The following TNRC18 variants were observed in gnomAD, a reference collection of about 807,000 sequenced individuals.
TNRC18 encodes trinucleotide repeat-containing gene 18 protein.
Under a neutral mutation model 226.7 loss-of-function variants are expected in TNRC18, and 69 were observed. That is an observed-to-expected ratio of 0.30 (90% CI 0.25 to 0.37). The LOEUF (loss-of-function observed/expected upper bound fraction) is 0.37. TNRC18 is among the 10% of genes least tolerant of loss of function. The pLI is 1.00. For missense variants in TNRC18, 4,754 were observed against 4,256.6 expected (o/e 1.12, Z -3.25); for synonymous variants, 2,449 against 1,927.6 (o/e 1.27, Z -7.09).
At chr7:5,315,447 C>T (rs62443161) in intron 25 of TNRC18, among the ~76,000 whole-genome samples, 51 of 142,124 alleles carry the variant, frequency 3.6e-4, no homozygotes, top group Non-Finnish European at 6.9e-4. Context: ...TTTTTTAAAA[C>T]AGAGTCTCGC....
chr7:5,336,915 T>G (rs530105680), intron 18 of TNRC18, among the ~76,000 whole-genome samples: 1 of 152,212 alleles, frequency 6.6e-6, no homozygotes, highest in African/African-American at 2.4e-5. Context: ...AATGGTAAAA[T>G]GTATGTTAAA....
rs1367353712 is a variant in TNRC18 at position 5,389,145 on chromosome 7, C to T, written c.679G>A (p.Ala227Thr). Residue 227 changes from alanine to threonine, a missense_variant, in exon 5 of 30, where the codon GCC becomes ACC. Physicochemically the swap from Ala to Thr is moderately conservative, Grantham distance 58. Coordinates refer to ENST00000430969, the MANE Select transcript of TNRC18 (RefSeq NM_001080495.3). ...PPLFGKKDPR[A>T]RGEEASGPRG... ...GGCCCCGAGGCCTCCTCGCCCCGGG[C>T]GCGCGGGTCCTTCTTGCCGAAAAGC... 3.8e-6 allele frequency: 5 copies of T among 1,319,566 alleles called. No homozygotes were observed. The highest frequency in any genetic ancestry group is 3.7e-5 in the East Asian group (1 of 27,236). 81.7% of individuals were successfully genotyped at this position (1,319,566 alleles called of 1,614,324 possible).
At chr7:5,414,576 C>G (rs1350858887) in intron 2 of TNRC18, among the ~76,000 whole-genome samples, 1 of 152,006 alleles carries the variant, frequency 6.6e-6, no homozygotes, top group Non-Finnish European at 1.5e-5. Context: ...CCACGCCCGG[C>G]TATTTTTTTG....
intron 2 of TNRC18, among the ~76,000 whole-genome samples, chr7:5,412,322 TC>T (rs1342257299): frequency 1.4e-5 from 2 of 146,646 alleles, no homozygotes; most frequent in East Asian, 4.3e-4. Flanking sequence ...ACGCCTGTAA[TC>T]CCAGCACTTT....
intron 18 of TNRC18, among the ~76,000 whole-genome samples, chr7:5,342,437 A>G (rs1321319055): frequency 1.3e-5 from 2 of 152,050 alleles, no homozygotes; most frequent in Non-Finnish European, 2.9e-5. Flanking sequence ...TCAAAAAAAA[A>G]AAAAAAGAAA....
Position 5,313,496 on chromosome 7 carries a change from G to A in TNRC18, c.7395C>T (p.Asp2465=). The A allele has an allele frequency of 6.2e-7, 1 of 1,613,328 alleles. No individual in the cohort carries two copies. The highest frequency in any genetic ancestry group is 8.5e-7 in the Non-Finnish European group (1 of 1,179,552). The change falls in exon 27 of 30, where the codon GAC becomes GAT. Residue 2465 remains aspartate (D), a synonymous_variant. Transcript: ENST00000430969. ...GEEAELLVKL[D]HEGVTSPKSK... is the part of the protein sequence containing the mutation. ...TTTTGGGTGACGTGACACCCTCGTG[G>A]TCCAGTTTGACAAGCAGCTCGGCCT... is the stretch of plus-strand genomic sequence containing the variant.
intron 2 of TNRC18, among the ~76,000 whole-genome samples, chr7:5,405,531 G>C (rs577198067): frequency 6.6e-6 from 1 of 150,838 alleles, no homozygotes; most frequent in Non-Finnish European, 1.5e-5. Context: ...ATTGTGCCAC[G>C]GCACTCCAGC....
intron 11 of TNRC18, among the ~76,000 whole-genome samples, chr7:5,368,933 C>T (rs987013311): frequency 6.6e-6 from 1 of 152,096 alleles, no homozygotes; most frequent in Non-Finnish European, 1.5e-5. Context: ...GAAGGCATCC[C>T]ATTCTCTTTG....
At chr7:5,315,422 T>C (rs7385951) in intron 25 of TNRC18, among the ~76,000 whole-genome samples, 1 of 151,158 alleles carries the variant, frequency 6.6e-6, no homozygotes, top group South Asian at 2.1e-4. Context: ...TTGGGTTTTT[T>C]TTTTTTTTTT....
At position 5,345,517 on chromosome 7, in the gene TNRC18, G is replaced by GCCCTC; in HGVS notation, c.5719+44_5719+45insGAGGG. On this transcript the variant is annotated intron_variant, in intron 18 of 29. Transcript: ENST00000430969. ...CCTGTGGGATGGGGCAATGGCGTCCGCCCCTCCCACCCACCCCCACCGCAG... is the reference window on the plus strand; with the variant it reads ...CCTGTGGGATGGGGCAATGGCGTCCGCCCTCCCCCTCCCACCCACCCCCACCGCAG... 15 of 377,744 alleles carry GCCCTC rather than the reference G, an allele frequency of 4.0e-5. 1 individual carries two copies. The highest frequency in any genetic ancestry group is 2.2e-4 in the South Asian group (5 of 22,822). The allele number at this position is 377,744 out of a possible 1,614,324, so 23.4% of individuals were successfully genotyped here. A position where few individuals can be genotyped will look rare whatever the true frequency, so the allele number is the denominator to read the frequency against.
Position 5,343,226 on chromosome 7 carries a change from T to C in TNRC18, c.5719+2336A>G, listed in dbSNP as rs1790851493. Among the ~76,000 whole-genome samples, 3 of 145,616 alleles carry C rather than the reference T, an allele frequency of 2.1e-5. No homozygotes were observed. The South Asian group carries it at 6.7e-4, about 32-fold the overall frequency. On this transcript the variant is annotated intron_variant, in intron 18 of 29. Transcript: ENST00000430969. The stretch of plus-strand genomic sequence containing the variant: ...AAAATTAGCCAGGCGTGGTGGTGTG[T>C]GCTTGTAATCCCAGCTACTCGGGAG...
chr7:5,377,131 C>CTCTT lies in TNRC18; in HGVS notation c.2462-139_2462-138insAAGA. On this transcript the variant is annotated intron_variant, in intron 7 of 29. Transcript: ENST00000430969. This position sits in a 1 kb window ranked among gnomAD's most constrained non-coding sequence, Gnocchi z 5.8. ...GTGGGGAAGCCAAGGGACAGGGGTG[C>CTCTT]TGGCTGGCTGCAAAGAGCACCCCAG... is the stretch of plus-strand genomic sequence containing the variant. 1 of 1,320,026 alleles carries CTCTT rather than the reference C, an allele frequency of 7.6e-7. No individual in the cohort carries two copies. The highest frequency in any genetic ancestry group is 1.0e-6 in the Non-Finnish European group (1 of 975,070). 81.8% of individuals were successfully genotyped at this position (1,320,026 alleles called of 1,614,324 possible). A position where few individuals can be genotyped will look rare whatever the true frequency, so the allele number is the denominator to read the frequency against.
chr7:5,411,701 G>A (rs543049906), intron 2 of TNRC18, among the ~76,000 whole-genome samples: 135 of 152,024 alleles, frequency 8.9e-4, no homozygotes, highest in South Asian at 4.1e-4. Flanking sequence ...AACAGGAAAC[G>A]GGAAGGCAAG....
Position 5,388,092 on chromosome 7 carries a change from C to G in TNRC18, c.1732G>C (p.Gly578Arg). ...PVADMHSAAH[G>R]SGEASAMQSL... is the part of the protein sequence containing the mutation. ...TGCATGGCCGAGGCCTCTCCAGACC[C>G]GTGGGCCGCAGAGTGCATGTCAGCG... The change falls in exon 5 of 30, where the codon GGG becomes CGG. Residue 578 changes from glycine to arginine, a missense_variant. Coordinates refer to ENST00000430969, the MANE Select transcript of TNRC18 (RefSeq NM_001080495.3). 1 of 1,553,206 alleles carries G rather than the reference C, an allele frequency of 6.4e-7. No homozygotes were observed. Among genetic ancestry groups the G allele is most frequent in the Non-Finnish European group, 8.7e-7 (1 of 1,148,932 alleles).
intron 18 of TNRC18, among the ~76,000 whole-genome samples, chr7:5,345,178 C>T (rs972364890): frequency 2.0e-5 from 3 of 152,190 alleles, no homozygotes; most frequent in African/African-American, 7.2e-5. Flanking sequence ...ACCTGTGTCT[C>T]GGGTAACCCC....
intron 24 of TNRC18, among the ~76,000 whole-genome samples, chr7:5,316,480 T>C (rs1347481102): frequency 6.6e-6 from 1 of 151,996 alleles, no homozygotes; most frequent in African/African-American, 2.4e-5. Context: ...GGTTTCTCCA[T>C]GTTGGTCAGG....
intron 11 of TNRC18, 51 bp downstream of exon 11, chr7:5,370,324 A>G: frequency 6.7e-7 from 1 of 1,499,520 alleles, no homozygotes; most frequent in Non-Finnish European, 8.9e-7. Context: ...CCCCATCACC[A>G]CAAAACTAAA....
At chr7:5,400,099 T>C (rs1003431121) in intron 2 of TNRC18, among the ~76,000 whole-genome samples, 1 of 152,050 alleles carries the variant, frequency 6.6e-6, no homozygotes, top group Admixed American at 6.6e-5. Flanking sequence ...CTCACTATGT[T>C]GCGAAGTCTG....
At chr7:5,360,827 TC>T (rs1205641233) in intron 14 of TNRC18, among the ~76,000 whole-genome samples, 1 of 152,162 alleles carries the variant, frequency 6.6e-6, no homozygotes, top group Non-Finnish European at 1.5e-5. Context: ...GGCTGTTTTA[TC>T]CTGAGAAGAA....
Sources: allele counts gnomAD v4.1 joint callset (sites outside exome capture counted in the v4.1 genomes callset), GRCh38; gene constraint gnomAD v4.1.1; non-coding constraint Gnocchi (gnomAD v3.1); transcripts MANE v1.5; gene names NCBI Gene and HGNC (gene_info 2026-07-23, HGNC 2026-07-21).